PRKD1: variants seen among roughly 807,000 people sequenced by gnomAD.
PRKD1 encodes the protein serine/threonine-protein kinase D1.
In PRKD1, 63 loss-of-function variants were observed where a neutral mutation model predicts 95.9. The observed-to-expected ratio is 0.66, with a 90% CI of 0.54 to 0.81. The LOEUF (loss-of-function observed/expected upper bound fraction) is 0.81, where lower values mean the gene tolerates loss of function less well. Ranked by LOEUF, PRKD1 falls within the 30% of genes least tolerant of loss-of-function variation. The probability of loss-of-function intolerance (pLI) is 0.00; values close to 1 mark genes in which losing one functional copy is unlikely to be tolerated. For synonymous variants in PRKD1, 425 were observed against 423.1 expected, an observed-to-expected ratio of 1.00 and a Z score of -0.05; for missense variants, 1,048 against 1,165.3, an observed-to-expected ratio of 0.90 and a Z score of 1.47.
chr14:29,718,552 A>T (rs2139375161), intron 2 of PRKD1, among the ~76,000 whole-genome samples: 1 of 151,988 alleles, frequency 6.6e-6, no homozygotes, highest in East Asian at 1.9e-4. Flanking sequence ...AACAATCACA[A>T]AAAGGAAATG....
At chr14:29,751,924 G>A (rs756779062) in intron 1 of PRKD1, among the ~76,000 whole-genome samples, 1 of 152,146 alleles carries the variant, frequency 6.6e-6, no homozygotes, top group Admixed American at 6.5e-5. Flanking sequence ...ACAAATAAAT[G>A]GGGATATTTT....
intron 1 of PRKD1, among the ~76,000 whole-genome samples, chr14:29,770,375 T>C (rs938977831): frequency 1.3e-5 from 2 of 152,124 alleles, no homozygotes; most frequent in Non-Finnish European, 2.9e-5. Flanking sequence ...TACGCTGCTA[T>C]AAAAGGACTA....
At position 29,648,312 on chromosome 14, in the gene PRKD1, G is replaced by C. The variant is rs984728333; in HGVS notation, c.697-9408C>G. The stretch of plus-strand genomic sequence containing the variant: ...AGCACCACAATTTTTTTTTTTTTTT[G>C]AGTGGCTACACATTTTTTTTGAGGC... On this transcript the variant is annotated intron_variant, in intron 4 of 17. Transcript: ENST00000331968. Among the ~76,000 whole-genome samples, 371 of 94,650 alleles carry C rather than the reference G, an allele frequency of 3.9e-3. 1 individual carries two copies. The highest frequency in any genetic ancestry group is 0.016 in the African/African-American group (366 of 22,292). The allele number at this position is 94,650 out of a possible 152,430, so 62.1% of individuals were successfully genotyped here.
chr14:29,693,247 C>T (rs566440868), intron 2 of PRKD1, among the ~76,000 whole-genome samples: 5 of 152,184 alleles, frequency 3.3e-5, no homozygotes, highest in East Asian at 1.9e-4. Context: ...TCTTCTAAGT[C>T]GGAAGTTTTG....
At chr14:29,735,103 T>A (rs1396659001) in intron 1 of PRKD1, among the ~76,000 whole-genome samples, 2 of 152,210 alleles carry the variant, frequency 1.3e-5, no homozygotes, top group Admixed American at 1.3e-4. Flanking sequence ...TCAAACCAGT[T>A]ACTCCTCATG....
chr14:29,891,658 GT>G (rs373117528), intron 1 of PRKD1, among the ~76,000 whole-genome samples: 272 of 138,586 alleles, frequency 2.0e-3, no homozygotes, highest in African/African-American at 2.0e-3. Context: ...AATTTTTGGG[GT>G]TTTTTTTTTT....
At chr14:29,903,269 G>A (rs1894382331) in intron 1 of PRKD1, among the ~76,000 whole-genome samples, 1 of 152,120 alleles carries the variant, frequency 6.6e-6, no homozygotes, top group Non-Finnish European at 1.5e-5. Context: ...CCTCGAAACG[G>A]GCTAATGGCA....
chr14:29,619,970 A>C (rs538467607), intron 13 of PRKD1, among the ~76,000 whole-genome samples: 22 of 152,062 alleles, frequency 1.4e-4, no homozygotes, highest in African/African-American at 5.3e-4. Context: ...TGGTACCAAA[A>C]CAGAGACATA....
chr14:29,843,528 C>T (rs1014731313), intron 1 of PRKD1, among the ~76,000 whole-genome samples: 7 of 152,190 alleles, frequency 4.6e-5, no homozygotes, highest in African/African-American at 1.7e-4. Flanking sequence ...GATTCTTTTA[C>T]AGAGTCTCTA....
intron 14 of PRKD1, 51 bp from the exon 15 acceptor site, chr14:29,599,176 G>A: frequency 6.7e-7 from 1 of 1,499,982 alleles, no homozygotes. Flanking sequence ...ATTTCAAAAT[G>A]TCTTCTACCA....
intron 1 of PRKD1, among the ~76,000 whole-genome samples, chr14:29,922,064 G>C (rs1380296982): frequency 6.6e-6 from 1 of 151,930 alleles, no homozygotes; most frequent in East Asian, 1.9e-4. Context: ...TCTCTTGGGA[G>C]GCCAAGGCGG....
At chr14:29,584,867 A>G (rs1892864126) in intron 16 of PRKD1, among the ~76,000 whole-genome samples, 2 of 151,764 alleles carry the variant, frequency 1.3e-5, no homozygotes, top group African/African-American at 4.8e-5. Context: ...GTATTTTTTC[A>G]GGCGGGAAAT....
chr14:29,886,832 G>T (rs1893724634), intron 1 of PRKD1, among the ~76,000 whole-genome samples: 1 of 152,188 alleles, frequency 6.6e-6, no homozygotes, highest in Admixed American at 6.5e-5. Flanking sequence ...ATTCTATTTT[G>T]TCATTTATAT....
At chr14:29,893,610 T>A (rs1894015897) in intron 1 of PRKD1, among the ~76,000 whole-genome samples, 1 of 152,222 alleles carries the variant, frequency 6.6e-6, no homozygotes, top group Admixed American at 6.5e-5. Flanking sequence ...ATAAACACTT[T>A]CAACTTTAAT....
At chr14:29,646,284 A>G (rs982407964) in intron 4 of PRKD1, among the ~76,000 whole-genome samples, 8 of 152,002 alleles carry the variant, frequency 5.3e-5, no homozygotes, top group African/African-American at 1.9e-4. Flanking sequence ...AATGGGTGCA[A>G]AAAAATAGCA....
chr14:29,604,438 T>C (rs1893632256), intron 13 of PRKD1, among the ~76,000 whole-genome samples: 1 of 152,118 alleles, frequency 6.6e-6, no homozygotes, highest in Non-Finnish European at 1.5e-5. Context: ...ACAAACTGAT[T>C]TAGTTCATAA....
At chr14:29,918,213 C>G (rs775194357) in intron 1 of PRKD1, among the ~76,000 whole-genome samples, 3 of 151,968 alleles carry the variant, frequency 2.0e-5, no homozygotes, top group Non-Finnish European at 4.4e-5. Flanking sequence ...CATTATATAT[C>G]ATAGTATATA....
chr14:29,721,634 G>C (rs1319854571), intron 2 of PRKD1, among the ~76,000 whole-genome samples: 1 of 151,730 alleles, frequency 6.6e-6, no homozygotes, highest in African/African-American at 2.4e-5. Flanking sequence ...CCACAACCTT[G>C]ATTTTACAGT....
At chr14:29,838,465 T>C (rs1891696676) in intron 1 of PRKD1, among the ~76,000 whole-genome samples, 2 of 152,102 alleles carry the variant, frequency 1.3e-5, no homozygotes, top group African/African-American at 2.4e-5. Context: ...GTTAGAAATA[T>C]AGAGTTTTGT....
Sources: allele counts gnomAD v4.1 joint callset (sites outside exome capture counted in the v4.1 genomes callset), GRCh38; gene constraint gnomAD v4.1.1; transcripts MANE v1.5; gene names NCBI Gene and HGNC (gene_info 2026-07-23, HGNC 2026-07-21).